PCDHA5: variants seen among roughly 807,000 people sequenced by gnomAD.
The protein encoded by PCDHA5 is protocadherin alpha-5.
A neutral mutation model predicts 61.6 loss-of-function variants in PCDHA5; 43 were observed. The ratio of observed to expected loss-of-function variants is 0.70; its 90% CI spans 0.55 to 0.90. The LOEUF is 0.90. Among genes scored for constraint, PCDHA5 ranks in the 40% least tolerant of loss-of-function variants. PCDHA5 has a pLI of 0.00. For missense variants in PCDHA5, 1,298 were observed against 1,222.7 expected (o/e 1.06, Z -0.92); for synonymous variants, 627 against 543.9 (o/e 1.15, Z -2.13).
chr5:140,829,569 C>G (rs2150170274), intron 1 of PCDHA5: 1 of 1,612,602 alleles, frequency 6.2e-7, no homozygotes, highest in East Asian at 2.2e-5. Context: ...GTGTCCTACT[C>G]GCTGGTGGAG....
intron 1 of PCDHA5, chr5:140,870,108 CTG>C (rs1455437240): frequency 6.2e-7 from 1 of 1,613,906 alleles, no homozygotes; most frequent in African/African-American, 1.3e-5. Flanking sequence ...ACTGTACAGT[CTG>C]GGTGGAAATC....
In PCDHA5 at chr5:141,011,182, G is replaced by C. The variant is rs887034679; in HGVS notation, c.*1245G>C. The C allele has an allele frequency of 6.5e-6, 1 of 153,494 alleles. No individual in the cohort carries two copies. Among genetic ancestry groups the C allele is most frequent in the African/African-American group, 2.4e-5 (1 of 41,364 alleles). The allele number at this position is 153,494 out of a possible 1,614,324, so 9.5% of individuals were successfully genotyped here. A position where few individuals can be genotyped will look rare whatever the true frequency, so the allele number is the denominator to read the frequency against. On this transcript the variant is annotated 3_prime_UTR_variant, in exon 4 of 4. Coordinates refer to ENST00000529859, the MANE Select transcript of PCDHA5 (RefSeq NM_018908.3). The stretch of plus-strand genomic sequence containing the variant: ...TATATATCAAGACCCAAAAATTGAA[G>C]AAAAATATTGTTTTCTCATACAGTG...
rs1052880282 is a variant in PCDHA5 at position 140,969,588 on chromosome 5, T to C, written c.2353-9361T>C. On this transcript the variant is annotated intron_variant, in intron 1 of 3. Coordinates refer to ENST00000529859, the MANE Select transcript of PCDHA5 (RefSeq NM_018908.3). ...TTGTTTGAGAAGTGAGGATTAGTCT[T>C]AATATTTAATGCTAAAACACAGATT... 31 of 849,754 alleles carry C rather than the reference T, an allele frequency of 3.6e-5. No individual in the cohort carries two copies. The African/African-American group carries it at 5.3e-4, about 15-fold the overall frequency. The allele number at this position is 849,754 out of a possible 1,614,324, so 52.6% of individuals were successfully genotyped here. A position where few individuals can be genotyped will look rare whatever the true frequency, so the allele number is the denominator to read the frequency against.
intron 1 of PCDHA5, chr5:140,966,733 C>T: frequency 7.1e-7 from 1 of 1,416,484 alleles, no homozygotes; most frequent in Non-Finnish European, 9.2e-7. Context: ...CCGCCTCCGG[C>T]CCTGCCCGGC....
chr5:140,999,822 T>C (rs1389164136), intron 3 of PCDHA5, among the ~76,000 whole-genome samples: 3 of 152,222 alleles, frequency 2.0e-5, no homozygotes, highest in Non-Finnish European at 4.4e-5. Context: ...GAGCTGTGGC[T>C]TTAAAAATAT....
At chr5:140,927,668 A>T in intron 1 of PCDHA5, 1 of 1,614,208 alleles carries the variant, frequency 6.2e-7, no homozygotes, top group Non-Finnish European at 8.5e-7. Flanking sequence ...CAAGCCTTGG[A>T]TCCAGATGAA....
intron 1 of PCDHA5, chr5:140,850,107 C>G (rs2150467518): frequency 6.3e-7 from 1 of 1,596,166 alleles, no homozygotes; most frequent in East Asian, 2.2e-5. Context: ...GGTGAGCGCG[C>G]GCGACGCGGG....
intron 1 of PCDHA5, among the ~76,000 whole-genome samples, chr5:140,840,809 C>T (rs1776884583): frequency 6.6e-6 from 1 of 151,832 alleles, no homozygotes; most frequent in Admixed American, 6.6e-5. Flanking sequence ...TAATATATAC[C>T]AGTGTTTCTG....
intron 1 of PCDHA5, chr5:140,863,183 C>A: frequency 1.3e-6 from 1 of 766,218 alleles, no homozygotes; most frequent in Non-Finnish European, 2.2e-6. Context: ...GCCACCGTCA[C>A]CGTGGTGGCG....
In PCDHA5 at chr5:140,850,628, G is replaced by A. The variant is rs2150491387; in HGVS notation, c.2352+26501G>A. The stretch of plus-strand genomic sequence containing the variant: ...CCATCTGCGCGGTGTCTAGCCTGTT[G>A]GTTCTCACGCTGCTGCTGTACACTG... On this transcript the variant is annotated intron_variant, in intron 1 of 3. Coordinates refer to ENST00000529859, the MANE Select transcript of PCDHA5 (RefSeq NM_018908.3). 2.4e-5 allele frequency: 38 copies of A among 1,598,590 alleles called. 4 individuals carry two copies. In the Middle Eastern group the frequency reaches 1.3e-3, roughly 56 times the overall value.
chr5:140,982,331 G>A lies in PCDHA5; in HGVS notation c.2412-144G>A, dbSNP rs1422921231. On this transcript the variant is annotated intron_variant, in intron 2 of 3. Coordinates refer to ENST00000529859, the MANE Select transcript of PCDHA5 (RefSeq NM_018908.3). ...GCAGTTTATGCAGGGTGACTGCTCA[G>A]CAGTAATTGCTTCAGTTCAAGCATG... The A allele has an allele frequency of 6.3e-6, 9 of 1,431,750 alleles. No individual in the cohort carries two copies. In the Admixed American group the frequency reaches 1.6e-4, roughly 26 times the overall value. 88.7% of individuals were successfully genotyped at this position (1,431,750 alleles called of 1,614,324 possible).
At chr5:140,829,199 G>C (rs1416881170) in intron 1 of PCDHA5, 1 of 1,614,038 alleles carries the variant, frequency 6.2e-7, no homozygotes, top group East Asian at 2.2e-5. Context: ...TACTGTCATC[G>C]CCCTAATTAG....
At position 140,884,044 on chromosome 5, in the gene PCDHA5, G is replaced by T. The variant is rs374333847; in HGVS notation, c.2352+59917G>T. On this transcript the variant is annotated intron_variant, in intron 1 of 3. Coordinates refer to ENST00000529859, the MANE Select transcript of PCDHA5 (RefSeq NM_018908.3). ...CGGTGGGTGCAGGCCACGTGGTGGC[G>T]AAGGTGCGCGCGGTGGACGCCGATT... 2.5e-6 allele frequency: 4 copies of T among 1,613,476 alleles called. No homozygotes were observed. In the South Asian group the frequency reaches 3.3e-5, roughly 13 times the overall value.
chr5:140,856,760 G>T, intron 1 of PCDHA5: 1 of 1,596,522 alleles, frequency 6.3e-7, no homozygotes, highest in Admixed American at 1.7e-5. Context: ...CAATGATAAC[G>T]CCCCTATCTT....
intron 1 of PCDHA5, chr5:140,858,309 A>G (rs1276572732): frequency 7.5e-6 from 12 of 1,597,070 alleles, no homozygotes; most frequent in African/African-American, 1.3e-5. Context: ...CAGAGGCGGC[A>G]GAGGGTGTGT....
In PCDHA5 at chr5:140,830,011, G is replaced by T. The variant is rs2150179426; in HGVS notation, c.2352+5884G>T. On this transcript the variant is annotated intron_variant, in intron 1 of 3. Coordinates refer to ENST00000529859, the MANE Select transcript of PCDHA5 (RefSeq NM_018908.3). ...GCACCACTCGTGTCCTGGACGAAGC[G>T]GACTCTCCGCGCCACCGGCTGCTGG... The T allele has an allele frequency of 1.1e-5, 17 of 1,613,912 alleles. No individual in the cohort carries two copies. In the East Asian group the frequency reaches 3.6e-4, roughly 34 times the overall value.
chr5:140,842,193 A>G, intron 1 of PCDHA5: 1 of 1,613,816 alleles, frequency 6.2e-7, no homozygotes, highest in Non-Finnish European at 8.5e-7. Context: ...ATGGTTATTG[A>G]CCACTTTAGC....
intron 1 of PCDHA5, chr5:140,870,840 A>G (rs1554164745): frequency 1.9e-6 from 3 of 1,613,712 alleles, no homozygotes; most frequent in Admixed American, 3.3e-5. Context: ...TTAACAAGCT[A>G]GTACCGCGGT....
chr5:140,926,763 C>T, intron 1 of PCDHA5: 1 of 1,327,892 alleles, frequency 7.5e-7, no homozygotes, highest in African/African-American at 1.5e-5. Flanking sequence ...GCTGAGTATC[C>T]AGCCCGCAGC....
Sources: allele counts gnomAD v4.1 joint callset (sites outside exome capture counted in the v4.1 genomes callset), GRCh38; gene constraint gnomAD v4.1.1; transcripts MANE v1.5; gene names NCBI Gene and HGNC (gene_info 2026-07-23, HGNC 2026-07-21).